LRBA: variants seen among roughly 807,000 people sequenced by gnomAD.
LRBA encodes LPS responsive beige-like anchor protein, also known as lipopolysaccharide-responsive and beige-like anchor protein.
LRBA carries 176 observed loss-of-function variants against 330.0 expected under a neutral mutation model. The ratio of observed to expected loss-of-function variants is 0.53; its 90% CI spans 0.47 to 0.60. The LOEUF (loss-of-function observed/expected upper bound fraction) is 0.60, where lower values mean the gene tolerates loss of function less well. Ranked by LOEUF, LRBA falls within the 20% of genes least tolerant of loss-of-function variation. The probability of loss-of-function intolerance (pLI) is 0.00; values close to 1 mark genes in which losing one functional copy is unlikely to be tolerated. For missense variants in LRBA, 3,259 were observed against 3,444.8 expected (o/e 0.95, Z 1.35); for synonymous variants, 1,230 against 1,193.0 (o/e 1.03, Z -0.64).
At chr4:150,334,499 T>C (rs138247465) in intron 48 of LRBA, among the ~76,000 whole-genome samples, 211 of 152,176 alleles carry the variant, frequency 1.4e-3, no homozygotes, top group African/African-American at 4.9e-3. Flanking sequence ...TATATATGTA[T>C]GTGTATATAT....
intron 35 of LRBA, among the ~76,000 whole-genome samples, chr4:150,742,399 T>C (rs1732132025): frequency 6.6e-6 from 1 of 151,978 alleles, no homozygotes; most frequent in African/African-American, 2.4e-5. Flanking sequence ...CCTCCTGCCT[T>C]AGCTTCCCAA....
intron 2 of LRBA, among the ~76,000 whole-genome samples, chr4:150,956,027 AT>A (rs1189701718): frequency 6.7e-6 from 1 of 149,386 alleles, no homozygotes; most frequent in African/African-American, 2.6e-5. Flanking sequence ...ATAAAATGAA[AT>A]TAACAATATA....
At chr4:150,333,541 G>A (rs1734256865) in intron 48 of LRBA, among the ~76,000 whole-genome samples, 1 of 152,108 alleles carries the variant, frequency 6.6e-6, no homozygotes. Context: ...AGACTTCATA[G>A]ATTAAATTCT....
intron 37 of LRBA, among the ~76,000 whole-genome samples, chr4:150,667,289 A>C (rs1781648780): frequency 6.6e-6 from 1 of 152,152 alleles, no homozygotes; most frequent in Non-Finnish European, 1.5e-5. Flanking sequence ...TCCAGGATTA[A>C]CTTCGTTGGG....
At chr4:150,815,919 T>C (rs1397100525) in intron 31 of LRBA, among the ~76,000 whole-genome samples, 2 of 151,886 alleles carry the variant, frequency 1.3e-5, no homozygotes, top group African/African-American at 4.8e-5. Context: ...ACTATAAAAT[T>C]TGTAAAAAAA....
chr4:150,714,119 T>C (rs772649439), intron 36 of LRBA, among the ~76,000 whole-genome samples: 3 of 152,190 alleles, frequency 2.0e-5, no homozygotes, highest in Non-Finnish European at 4.4e-5. Flanking sequence ...TTATAGCAAG[T>C]AGACATGGCC....
chr4:150,855,221 C>A (rs1182327347), intron 22 of LRBA, among the ~76,000 whole-genome samples: 1 of 152,168 alleles, frequency 6.6e-6, no homozygotes, highest in Non-Finnish European at 1.5e-5. Flanking sequence ...CAAAATAGCA[C>A]CACTGCACTC....
chr4:150,952,313 GAC>G (rs1422646145), intron 2 of LRBA, among the ~76,000 whole-genome samples: 1 of 152,068 alleles, frequency 6.6e-6, no homozygotes, highest in African/African-American at 2.4e-5. Context: ...GACAAATGAA[GAC>G]AGATGCTGAT....
At chr4:150,693,888 T>C (rs1048932222) in intron 36 of LRBA, among the ~76,000 whole-genome samples, 4 of 152,162 alleles carry the variant, frequency 2.6e-5, no homozygotes, top group African/African-American at 9.7e-5. Context: ...TGTTAAGTTT[T>C]GAAATAAAAA....
At chr4:150,853,687 A>G (rs186026591) in intron 22 of LRBA, among the ~76,000 whole-genome samples, 183 of 152,152 alleles carry the variant, frequency 1.2e-3, no homozygotes, top group Non-Finnish European at 2.1e-3. Context: ...ATTTTTTTTT[A>G]AAGAGAGTGC....
At chr4:150,318,570 G>C (rs1015805336) in intron 50 of LRBA, among the ~76,000 whole-genome samples, 1 of 152,102 alleles carries the variant, frequency 6.6e-6, no homozygotes, top group African/African-American at 2.4e-5. Context: ...AGAATGAAAG[G>C]TTAGATTTAT....
chr4:150,416,509 T>C (rs1747775250), intron 46 of LRBA, among the ~76,000 whole-genome samples: 1 of 152,200 alleles, frequency 6.6e-6, no homozygotes, highest in Non-Finnish European at 1.5e-5. Context: ...TTGCCTGACT[T>C]TGAATTGTAC....
chr4:150,597,014 T>G, intron 38 of LRBA: 1 of 778,624 alleles, frequency 1.3e-6, no homozygotes, highest in South Asian at 1.8e-5. Flanking sequence ...CAAACGCAAG[T>G]TTTGTTTTTA....
chr4:150,959,795 T>C (rs535382467), intron 2 of LRBA, among the ~76,000 whole-genome samples: 1 of 145,568 alleles, frequency 6.9e-6, no homozygotes, highest in Non-Finnish European at 1.5e-5. Context: ...TATAATTATA[T>C]ATAAAGAACA....
chr4:151,010,983 C>T (rs1330963049), intron 2 of LRBA, among the ~76,000 whole-genome samples: 2 of 151,326 alleles, frequency 1.3e-5, no homozygotes, highest in Non-Finnish European at 2.9e-5. Flanking sequence ...GTCAGGAGAT[C>T]GAGACCATCC....
intron 34 of LRBA, among the ~76,000 whole-genome samples, chr4:150,775,495 AC>A (rs760019616): frequency 0.11 from 2,146 of 19,268 alleles, 54 homozygotes; most frequent in Non-Finnish European, 0.22. Flanking sequence ...ACACACACAC[AC>A]ACACACAGTG....
At chr4:150,941,245 T>C (rs1267375290) in intron 2 of LRBA, among the ~76,000 whole-genome samples, 1 of 152,004 alleles carries the variant, frequency 6.6e-6, no homozygotes, top group African/African-American at 2.4e-5. Flanking sequence ...CTCCACCTCC[T>C]GGGTTCAAGC....
intron 37 of LRBA, among the ~76,000 whole-genome samples, chr4:150,647,515 C>T (rs1241624285): frequency 6.6e-6 from 1 of 150,650 alleles, no homozygotes; most frequent in Non-Finnish European, 1.5e-5. Flanking sequence ...CATACCAACA[C>T]ACCTAGTAGC....
intron 36 of LRBA, among the ~76,000 whole-genome samples, chr4:150,729,094 G>A (rs1396408778): frequency 1.3e-5 from 2 of 152,124 alleles, no homozygotes; most frequent in South Asian, 2.1e-4. Context: ...ATAAGGAGGT[G>A]GACTGCTTGA....
Sources: allele counts gnomAD v4.1 joint callset (sites outside exome capture counted in the v4.1 genomes callset), GRCh38; gene constraint gnomAD v4.1.1; transcripts MANE v1.5; gene names NCBI Gene and HGNC (gene_info 2026-07-23, HGNC 2026-07-21).